The following ASPH variants were observed in gnomAD, a reference collection of about 807,000 sequenced individuals.
ASPH encodes the protein aspartyl/asparaginyl beta-hydroxylase.
In ASPH, 100 loss-of-function variants were observed where a neutral mutation model predicts 118.4. That is an observed-to-expected ratio of 0.84 (90% CI 0.72 to 1.00). The LOEUF (loss-of-function observed/expected upper bound fraction) is 1.00. Among genes scored for constraint, ASPH ranks in the 50% least tolerant of loss-of-function variants. The pLI is 0.00. For missense variants in ASPH, 920 were observed against 919.5 expected, an observed-to-expected ratio of 1.00 and a Z score of -0.01; for synonymous variants, 315 against 325.6, an observed-to-expected ratio of 0.97 and a Z score of 0.35.
chr8:61,579,909 C>CAAAAAAAA (rs35492301), intron 15 of ASPH, among the ~76,000 whole-genome samples: 2 of 49,466 alleles, frequency 4.0e-5, no homozygotes, highest in African/African-American at 1.4e-4. Context: ...CTGCCAATGT[C>CAAAAAAAA]AAAAAAAAAA....
At chr8:61,666,033 CAT>C (rs754029243) in intron 3 of ASPH, among the ~76,000 whole-genome samples, 12 of 152,186 alleles carry the variant, frequency 7.9e-5, no homozygotes, top group South Asian at 6.2e-4. Context: ...AGCTCAAAAA[CAT>C]ATGTCCTTAA....
chr8:61,709,133 C>A (rs187619869), intron 1 of ASPH, among the ~76,000 whole-genome samples: 1 of 152,246 alleles, frequency 6.6e-6, no homozygotes, highest in African/African-American at 2.4e-5. Flanking sequence ...TTGATAGGAA[C>A]TGAATTACAT....
intron 14 of ASPH, 63 bp downstream of exon 14, chr8:61,618,915 C>T: frequency 7.2e-7 from 1 of 1,395,268 alleles, no homozygotes. Context: ...TTGGATGGAA[C>T]ATAAAATCAT....
At chr8:61,587,219 C>T (rs1039977712) in intron 14 of ASPH, among the ~76,000 whole-genome samples, 2 of 152,166 alleles carry the variant, frequency 1.3e-5, no homozygotes, top group African/African-American at 4.8e-5. Context: ...GTGTCTAAGG[C>T]AGAGACTGAA....
intron 6 of ASPH, among the ~76,000 whole-genome samples, chr8:61,646,279 T>C (rs1807917836): frequency 6.6e-6 from 1 of 152,218 alleles, no homozygotes; most frequent in South Asian, 2.1e-4. Flanking sequence ...GAACAGAGTC[T>C]GTACGATCCA....
chr8:61,503,593 C>A (rs1374052896), intron 24 of ASPH, 84 bp from the exon 25 acceptor site: 26 of 1,359,590 alleles, frequency 1.9e-5, no homozygotes, highest in Non-Finnish European at 2.6e-5. Context: ...TGTGCGAGAA[C>A]TACCTTTGGT....
intron 3 of ASPH, chr8:61,665,644 G>A: frequency 6.6e-7 from 1 of 1,524,728 alleles, no homozygotes. Flanking sequence ...AATGTTTATT[G>A]ACAGGATCTC....
In ASPH at chr8:61,714,396, G is replaced by A. The variant is rs1287016385; in HGVS notation, c.-25C>T. 3 of 1,476,596 alleles carry A rather than the reference G, an allele frequency of 2.0e-6. No individual in the cohort carries two copies. The highest frequency in any genetic ancestry group is 1.8e-6 in the Non-Finnish European group (2 of 1,110,984). The allele number at this position is 1,476,596 out of a possible 1,614,324, so 91.5% of individuals were successfully genotyped here. A position where few individuals can be genotyped will look rare whatever the true frequency, so the allele number is the denominator to read the frequency against. On this transcript the variant is annotated 5_prime_UTR_variant, in exon 1 of 25. Coordinates refer to ENST00000379454, the MANE Select transcript of ASPH (RefSeq NM_004318.4). ...TTGCACGGTCCGCGGGGGCTGGTGA[G>A]GGCTGGCGGACCTCCTTCAGTGCGC...
intron 14 of ASPH, among the ~76,000 whole-genome samples, chr8:61,597,169 A>G (rs953674031): frequency 6.7e-6 from 1 of 149,418 alleles, no homozygotes; most frequent in Non-Finnish European, 1.5e-5. Flanking sequence ...GAACCAGAAG[A>G]TAGATCACTT....
chr8:61,520,084 T>C (rs766226018), intron 22 of ASPH, among the ~76,000 whole-genome samples: 2 of 152,196 alleles, frequency 1.3e-5, no homozygotes, highest in East Asian at 3.8e-4. Context: ...ATCCAGATCA[T>C]CCTTTATATG....
intron 1 of ASPH, among the ~76,000 whole-genome samples, chr8:61,694,727 T>C (rs1486006258): frequency 6.6e-6 from 1 of 152,252 alleles, no homozygotes; most frequent in African/African-American, 2.4e-5. Context: ...GCCACCTCTC[T>C]AGTTCACTTC....
chr8:61,607,277 G>A (rs1588012511), intron 14 of ASPH: 1 of 702,142 alleles, frequency 1.4e-6, no homozygotes, highest in Admixed American at 2.0e-5. Flanking sequence ...GAAGTCCCAG[G>A]ACATGGTGCA....
At chr8:61,576,658 G>C in intron 16 of ASPH, 114 bp downstream of exon 16, 1 of 880,172 alleles carries the variant, frequency 1.1e-6, no homozygotes, top group Non-Finnish European at 1.7e-6. Context: ...ATATACATGA[G>C]AAACTGATTC....
In ASPH at chr8:61,500,743, G is replaced by GTATT. The variant is rs1554582947; in HGVS notation, c.*2612_*2615dup. On this transcript the variant is annotated 3_prime_UTR_variant, in exon 25 of 25. Coordinates refer to ENST00000379454, the MANE Select transcript of ASPH (RefSeq NM_004318.4). ...TCGCCCAGCCATCTGCATGACATGG[G>GTATT]TATTTATTAGTATTACCAGTTGGTG... The GTATT allele has an allele frequency of 2.1e-4, 32 of 152,214 alleles. No individual in the cohort carries two copies. Among genetic ancestry groups the GTATT allele is most frequent in the African/African-American group, 7.7e-4 (32 of 41,514 alleles). The allele number at this position is 152,214 out of a possible 1,614,324, so 9.4% of individuals were successfully genotyped here.
In ASPH at chr8:61,714,400, T is replaced by C; in HGVS notation, c.-29A>G. 1 of 1,471,520 alleles carries C rather than the reference T, an allele frequency of 6.8e-7. No individual in the cohort carries two copies. The highest frequency in any genetic ancestry group is 9.0e-7 in the Non-Finnish European group (1 of 1,108,536). 91.2% of individuals were successfully genotyped at this position (1,471,520 alleles called of 1,614,324 possible). On this transcript the variant is annotated 5_prime_UTR_variant, in exon 1 of 25. Transcript: ENST00000379454. ...ACGGTCCGCGGGGGCTGGTGAGGGC[T>C]GGCGGACCTCCTTCAGTGCGCGGGG...
At chr8:61,628,756 A>G (rs1275688078) in intron 13 of ASPH, among the ~76,000 whole-genome samples, 1 of 152,126 alleles carries the variant, frequency 6.6e-6, no homozygotes, top group African/African-American at 2.4e-5. Context: ...AGCTCTGAGA[A>G]ATTAATTGTA....
intron 21 of ASPH, among the ~76,000 whole-genome samples, chr8:61,528,888 C>G (rs923205681): frequency 6.6e-6 from 1 of 152,180 alleles, no homozygotes; most frequent in Non-Finnish European, 1.5e-5. Context: ...GCAGAAGGGT[C>G]TCTCTGAACA....
chr8:61,544,951 T>A (rs1226071233), intron 21 of ASPH, among the ~76,000 whole-genome samples: 1 of 152,050 alleles, frequency 6.6e-6, no homozygotes, highest in East Asian at 1.9e-4. Flanking sequence ...GAAGGATATA[T>A]GAGAGAAGGA....
chr8:61,656,691 G>A (rs963299899), intron 3 of ASPH: 1 of 152,272 alleles, frequency 6.6e-6, no homozygotes, highest in East Asian at 1.9e-4. Flanking sequence ...AGGTTAATCA[G>A]ATAAATTTGG....
Sources: gnomAD v4.1 joint callset for allele counts (sites outside exome capture counted in the v4.1 genomes callset) on GRCh38, gnomAD v4.1.1 for gene constraint, MANE v1.5 for transcripts, NCBI Gene and HGNC (gene_info 2026-07-23, HGNC 2026-07-21) for gene names.